The following KCNB2 variants were observed in gnomAD, a reference collection of about 807,000 sequenced individuals.
KCNB2 encodes delayed rectifier potassium channel protein.
A neutral mutation model predicts 61.5 loss-of-function variants in KCNB2; 15 were observed. The ratio of observed to expected loss-of-function variants is 0.24; its 90% CI spans 0.16 to 0.38. KCNB2 has a LOEUF of 0.38. Ranked by LOEUF, KCNB2 falls within the 10% of genes least tolerant of loss-of-function variation. KCNB2 has a pLI of 1.00. For synonymous variants in KCNB2, 457 were observed against 446.0 expected, an observed-to-expected ratio of 1.02 and a Z score of -0.31; for missense variants, 828 against 1,125.2, an observed-to-expected ratio of 0.74 and a Z score of 3.78.
chr8:72,707,148 T>C lies in KCNB2; in HGVS notation c.579+138835T>C, dbSNP rs899237509. Among the ~76,000 whole-genome samples the C allele has an allele frequency of 2.6e-5, 4 of 152,234 alleles. No individual in the cohort carries two copies. The South Asian group carries it at 8.3e-4, about 31-fold the overall frequency. On this transcript the variant is annotated intron_variant, in intron 2 of 2. Coordinates refer to ENST00000523207, the MANE Select transcript of KCNB2 (RefSeq NM_004770.3). ...AAACCATCCCAGAGAGGTAAGAACC[T>C]GAATTACAAAGACATCCAGAGAAAG...
intron 1 of KCNB2, among the ~76,000 whole-genome samples, chr8:72,551,224 GTTGT>G (rs902456530): frequency 2.0e-5 from 3 of 151,960 alleles, no homozygotes; most frequent in African/African-American, 7.3e-5. Flanking sequence ...TGTTGTTGTT[GTTGT>G]TTGTTTATTT....
intron 2 of KCNB2, among the ~76,000 whole-genome samples, chr8:72,911,947 C>T (rs1806303551): frequency 6.6e-6 from 1 of 152,146 alleles, no homozygotes; most frequent in South Asian, 2.1e-4. Flanking sequence ...TTTCTGTTTC[C>T]CCTTCTACAA....
At chr8:72,897,388 G>C (rs1806009663) in intron 2 of KCNB2, among the ~76,000 whole-genome samples, 1 of 152,090 alleles carries the variant, frequency 6.6e-6, no homozygotes, top group Non-Finnish European at 1.5e-5. Context: ...GAAATTACCT[G>C]AACATCAAAT....
intron 2 of KCNB2, among the ~76,000 whole-genome samples, chr8:72,842,363 A>C (rs1809907585): frequency 6.6e-6 from 1 of 152,128 alleles, no homozygotes; most frequent in South Asian, 2.1e-4. Context: ...TTTTCTCATC[A>C]ATGTTCATCA....
chr8:72,714,098 A>G (rs4497009), intron 2 of KCNB2, among the ~76,000 whole-genome samples: 2,545 of 152,268 alleles, frequency 0.017, 63 homozygotes, highest in African/African-American at 0.058. Flanking sequence ...AGCGTGAAGA[A>G]AAGTTTAGAG....
Position 72,725,573 on chromosome 8 carries a change from A to G in KCNB2, c.579+157260A>G, listed in dbSNP as rs1232515672. On this transcript the variant is annotated intron_variant, in intron 2 of 2. Transcript: ENST00000523207. Reference sequence around the variant, plus strand: ...TATATATATGTATATATGTATATATATGTATATATATATGTATGTATATAT... The same window carrying G: ...TATATATATGTATATATGTATATATGTGTATATATATATGTATGTATATAT... Among the ~76,000 whole-genome samples the G allele has an allele frequency of 8.2e-3, 509 of 62,122 alleles. 7 individuals carry two copies. The highest frequency in any genetic ancestry group is 0.011 in the Non-Finnish European group (350 of 33,022). 40.8% of individuals were successfully genotyped at this position (62,122 alleles called of 152,430 possible). A position where few individuals can be genotyped will look rare whatever the true frequency, so the allele number is the denominator to read the frequency against.
At chr8:72,651,579 G>T (rs1363709436) in intron 2 of KCNB2, among the ~76,000 whole-genome samples, 1 of 152,008 alleles carries the variant, frequency 6.6e-6, no homozygotes, top group Non-Finnish European at 1.5e-5. Flanking sequence ...GTGATAAAAG[G>T]CTCAGCAGTA....
In KCNB2 at chr8:72,680,559, T is replaced by G. The variant is rs1421258523; in HGVS notation, c.579+112246T>G. Among the ~76,000 whole-genome samples, 2 of 152,092 alleles carry G rather than the reference T, an allele frequency of 1.3e-5. 1 individual carries two copies. Among genetic ancestry groups the G allele is most frequent in the Admixed American group, 1.3e-4 (2 of 15,264 alleles). On this transcript the variant is annotated intron_variant, in intron 2 of 2. Transcript: ENST00000523207. ...CATGGAACAGCTGGTAAAGCAGAGC[T>G]GAGGCTGTCCCATAGTCCAGGTGGG...
At chr8:72,590,983 G>A (rs1807089322) in intron 2 of KCNB2, among the ~76,000 whole-genome samples, 1 of 152,170 alleles carries the variant, frequency 6.6e-6, no homozygotes, top group African/African-American at 2.4e-5. Flanking sequence ...GACTAATGAA[G>A]TAAAGGAAGA....
At chr8:72,768,193 T>G (rs2128996967) in intron 2 of KCNB2, among the ~76,000 whole-genome samples, 1 of 152,324 alleles carries the variant, frequency 6.6e-6, no homozygotes, top group South Asian at 2.1e-4. Flanking sequence ...GTGTGTGTGT[T>G]TGTGACTGAG....
intron 2 of KCNB2, among the ~76,000 whole-genome samples, chr8:72,770,195 G>C (rs554768781): frequency 6.6e-6 from 1 of 152,272 alleles, no homozygotes; most frequent in African/African-American, 2.4e-5. Context: ...AGCAGTCATG[G>C]GATAGCCCAG....
At chr8:72,652,212 GA>G (rs1806222460) in intron 2 of KCNB2, among the ~76,000 whole-genome samples, 1 of 151,972 alleles carries the variant, frequency 6.6e-6, no homozygotes, top group Admixed American at 6.6e-5. Flanking sequence ...TTTCTCTAAA[GA>G]AAACATATCA....
At chr8:72,899,413 A>T (rs1806046948) in intron 2 of KCNB2, among the ~76,000 whole-genome samples, 3 of 152,158 alleles carry the variant, frequency 2.0e-5, no homozygotes, top group African/African-American at 7.2e-5. Context: ...AATAAAAGTC[A>T]TCCAAATAGA....
At chr8:72,588,009 C>T (rs1309840886) in intron 2 of KCNB2, among the ~76,000 whole-genome samples, 3 of 151,914 alleles carry the variant, frequency 2.0e-5, no homozygotes, top group African/African-American at 7.3e-5. Flanking sequence ...TCCTTGTGCA[C>T]TGTTTTTGTG....
intron 1 of KCNB2, among the ~76,000 whole-genome samples, chr8:72,557,197 G>T (rs1227084224): frequency 1.3e-5 from 2 of 152,064 alleles, no homozygotes; most frequent in African/African-American, 4.8e-5. Context: ...AATACATCAG[G>T]AAAGACTCTC....
intron 2 of KCNB2, among the ~76,000 whole-genome samples, chr8:72,796,355 T>C (rs1809030714): frequency 6.6e-6 from 1 of 152,192 alleles, no homozygotes; most frequent in Non-Finnish European, 1.5e-5. Context: ...CATGATCTTA[T>C]GTATTAAAGG....
chr8:72,809,623 C>A (rs1396803357), intron 2 of KCNB2, among the ~76,000 whole-genome samples: 1 of 152,100 alleles, frequency 6.6e-6, no homozygotes, highest in Non-Finnish European at 1.5e-5. Context: ...ATATTCCCCC[C>A]AAATATGACT....
chr8:72,660,519 C>T (rs937256795), intron 2 of KCNB2: 4 of 152,194 alleles, frequency 2.6e-5, no homozygotes, highest in Non-Finnish European at 5.9e-5. Context: ...TTTCCAACAT[C>T]AGAGACATAA....
chr8:72,547,653 C>T (rs547436059), intron 1 of KCNB2, among the ~76,000 whole-genome samples: 1 of 152,172 alleles, frequency 6.6e-6, no homozygotes, highest in African/African-American at 2.4e-5. Context: ...GCTGTGACCT[C>T]ATAATCAAAC....
Sources: allele counts gnomAD v4.1 joint callset (sites outside exome capture counted in the v4.1 genomes callset), GRCh38; gene constraint gnomAD v4.1.1; transcripts MANE v1.5; gene names NCBI Gene and HGNC (gene_info 2026-07-23, HGNC 2026-07-21).